Variants in ABL1 observed in about 807,000 individuals in gnomAD.
ABL1 encodes tyrosine-protein kinase ABL1.
ABL1 carries 11 observed loss-of-function variants against 94.7 expected under a neutral mutation model. The ratio of observed to expected loss-of-function variants is 0.12; its 90% CI spans 0.07 to 0.19. The LOEUF is 0.19. Among genes scored for constraint, ABL1 ranks in the 10% least tolerant of loss-of-function variants. The pLI is 1.00. For missense variants in ABL1, 1,082 were observed against 1,489.4 expected (o/e 0.73, Z 4.50); for synonymous variants, 656 against 622.4 (o/e 1.05, Z -0.80).
intron 1 of ABL1, among the ~76,000 whole-genome samples, chr9:130,852,352 G>A (rs1254542226): frequency 3.3e-5 from 5 of 151,940 alleles, no homozygotes; most frequent in East Asian, 1.9e-4. Context: ...ACAGGCGCCC[G>A]CCACCATGCC....
At chr9:130,765,371 C>T (rs1832169921) in intron 1 of ABL1, among the ~76,000 whole-genome samples, 1 of 152,150 alleles carries the variant, frequency 6.6e-6, no homozygotes. Context: ...GGATGGAAAT[C>T]CTGTCTACAT....
chr9:130,745,687 C>A (rs935886371), intron 1 of ABL1, among the ~76,000 whole-genome samples: 1 of 151,854 alleles, frequency 6.6e-6, no homozygotes, highest in African/African-American at 2.4e-5. Flanking sequence ...AGCTCTAGTT[C>A]TTTGAAATGC....
chr9:130,742,671 ACT>A lies in ABL1; in HGVS notation c.136+28221_136+28222del, dbSNP rs982095112. On this transcript the variant is annotated intron_variant, in intron 1 of 10. Transcript: ENST00000372348. ...TAAGTTTGGGGTTCAGTAGCTCAAAACTCTCTGGTGGTTCCCATTATATAGAG... is the reference window on the plus strand; with the variant it reads ...TAAGTTTGGGGTTCAGTAGCTCAAAACTCTGGTGGTTCCCATTATATAGAG... Among the ~76,000 whole-genome samples, 7 of 152,028 alleles carry A rather than the reference ACT, an allele frequency of 4.6e-5. No individual in the cohort carries two copies. The East Asian group carries it at 1.2e-3, about 25-fold the overall frequency.
chr9:130,886,001 T>C lies in ABL1; in HGVS notation c.*318T>C. ...CCACCTAGTGCCCCAGACTGAGCTC[T>C]CCAGGCCAGGTGGGAACGGCTGATG... On this transcript the variant is annotated 3_prime_UTR_variant, in exon 11 of 11. Coordinates refer to ENST00000318560, the MANE Select transcript of ABL1 (RefSeq NM_005157.6). 1 of 366,694 alleles carries C rather than the reference T, an allele frequency of 2.7e-6. No homozygotes were observed. The highest frequency in any genetic ancestry group is 4.9e-6 in the Non-Finnish European group (1 of 202,094). The allele number at this position is 366,694 out of a possible 1,614,324, so 22.7% of individuals were successfully genotyped here.
intron 1 of ABL1, among the ~76,000 whole-genome samples, chr9:130,813,714 C>T (rs994706243): frequency 9.2e-5 from 14 of 151,954 alleles, no homozygotes; most frequent in Non-Finnish European, 1.8e-4. Context: ...AAATCAACAG[C>T]GAAGTAAGTA....
chr9:130,730,627 A>G (rs1831652363), intron 1 of ABL1, among the ~76,000 whole-genome samples: 1 of 151,118 alleles, frequency 6.6e-6, no homozygotes, highest in Non-Finnish European at 1.5e-5. Context: ...GCTGGAGTCC[A>G]GTGGCACAGT....
In ABL1 at chr9:130,884,275, C is replaced by T. The variant is rs781395627; in HGVS notation, c.1985C>T (p.Pro662Leu). ...DTADPAKSPK[P>L]SNGAGVPNGA... The stretch of plus-strand genomic sequence containing the variant: ...GCTGACCCAGCCAAGTCCCCAAAGC[C>T]CAGCAATGGGGCTGGGGTCCCCAAT... Residue 662 changes from proline (P) to leucine (L), a missense_variant, in exon 11 of 11, where the codon CCC becomes CTC. Coordinates refer to ENST00000318560, the MANE Select transcript of ABL1 (RefSeq NM_005157.6). This position sits in a 1 kb window ranked among gnomAD's most constrained non-coding sequence, Gnocchi z 5.6. 23 of 1,600,296 alleles carry T rather than the reference C, an allele frequency of 1.4e-5. No individual in the cohort carries two copies. In the East Asian group the frequency reaches 5.1e-4, roughly 36 times the overall value.
intron 1 of ABL1, among the ~76,000 whole-genome samples, chr9:130,762,129 G>A (rs1832123513): frequency 8.0e-6 from 1 of 124,756 alleles, no homozygotes; most frequent in African/African-American, 3.3e-5. Context: ...GGCAACAAGA[G>A]CGAAACTCCC....
intron 1 of ABL1, among the ~76,000 whole-genome samples, chr9:130,719,908 A>G (rs1032176150): frequency 6.6e-6 from 1 of 152,226 alleles, no homozygotes; most frequent in Non-Finnish European, 1.5e-5. Flanking sequence ...TTCAGGGTCA[A>G]AGGGCTAGTC....
At chr9:130,796,673 A>G (rs1829977048) in intron 1 of ABL1, among the ~76,000 whole-genome samples, 1 of 152,120 alleles carries the variant, frequency 6.6e-6, no homozygotes, top group African/African-American at 2.4e-5. Context: ...AAGTCTCTTG[A>G]CTATGACATA....
intron 1 of ABL1, among the ~76,000 whole-genome samples, chr9:130,743,982 A>T (rs1043927135): frequency 2.0e-5 from 3 of 152,062 alleles, no homozygotes; most frequent in Admixed American, 1.3e-4. Context: ...TCCCTTAAGG[A>T]TATTTTTGGA....
chr9:130,713,635 A>G lies in ABL1; in HGVS notation c.-685A>G, dbSNP rs7875972. 4.6e-5 allele frequency among the ~76,000 whole-genome samples: 7 copies of G among 152,066 alleles called. No individual in the cohort carries two copies. The South Asian group carries it at 1.5e-3, about 32-fold the overall frequency. On this transcript the variant is annotated 5_prime_UTR_variant, in exon 1 of 11. Transcript: ENST00000372348. ...GCCCTGACTTCTTCCAATGTCACCT[A>G]CGGCCCCCTTAGTCTCAGCTCAGCC...
rs772392083 is a variant in ABL1, at chr9:130,884,126, A to G, written c.1836A>G (p.Pro612=). 1.2e-6 allele frequency: 2 copies of G among 1,613,728 alleles called. No homozygotes were observed. The highest frequency in any genetic ancestry group is 1.7e-6 in the Non-Finnish European group (2 of 1,180,038). ...ALIKKKKKTA[P]TPPKRSSSFR... ...TCAAGAAGAAGAAGAAGACAGCCCC[A>G]ACCCCTCCCAAACGCAGCAGCTCCT... Residue 612 remains proline, a synonymous_variant, in exon 11 of 11, where the codon CCA becomes CCG. Coordinates refer to ENST00000318560, the MANE Select transcript of ABL1 (RefSeq NM_005157.6). The surrounding 1 kb of genome is among the most constrained non-coding windows in gnomAD (Gnocchi z 5.6).
chr9:130,763,779 C>A (rs1832146814), intron 1 of ABL1, among the ~76,000 whole-genome samples: 1 of 152,228 alleles, frequency 6.6e-6, no homozygotes. Context: ...AGATGCTACC[C>A]TGCTGTTCTG....
chr9:130,848,927 G>A (rs1434349528), intron 1 of ABL1, among the ~76,000 whole-genome samples: 2 of 151,618 alleles, frequency 1.3e-5, no homozygotes, highest in Non-Finnish European at 1.5e-5. Context: ...TGTCAAGAAC[G>A]AGACTCCGTC....
intron 1 of ABL1, among the ~76,000 whole-genome samples, chr9:130,841,448 A>G (rs1426779917): frequency 6.6e-6 from 1 of 152,044 alleles, no homozygotes; most frequent in Non-Finnish European, 1.5e-5. Flanking sequence ...CAAATTTGTT[A>G]GGCCACATTC....
chr9:130,797,109 G>A (rs1043594870), intron 1 of ABL1, among the ~76,000 whole-genome samples: 4 of 150,548 alleles, frequency 2.7e-5, no homozygotes, highest in Admixed American at 2.6e-4. Context: ...GGTGGCAAGC[G>A]CCTGTAATCC....
At chr9:130,867,554 G>A (rs1831175965) in intron 4 of ABL1, among the ~76,000 whole-genome samples, 4 of 152,204 alleles carry the variant, frequency 2.6e-5, no homozygotes, top group Non-Finnish European at 4.4e-5. Context: ...AGGAGTTTGT[G>A]TCATCAATTT....
intron 1 of ABL1, among the ~76,000 whole-genome samples, chr9:130,817,980 G>A (rs936296164): frequency 5.3e-5 from 8 of 152,256 alleles, no homozygotes; most frequent in Non-Finnish European, 7.4e-5. Context: ...TTGCTAGGTC[G>A]TAGGATAAGT....
Sources: allele counts gnomAD v4.1 joint callset (sites outside exome capture counted in the v4.1 genomes callset), GRCh38; gene constraint gnomAD v4.1.1; non-coding constraint Gnocchi (gnomAD v3.1); transcripts MANE v1.5; gene names NCBI Gene and HGNC (gene_info 2026-07-23, HGNC 2026-07-21).